EXOC4: variants seen among roughly 807,000 people sequenced by gnomAD.
EXOC4 encodes exocyst complex component 4, also known as SEC8-like 1.
In EXOC4, 71 loss-of-function variants were observed where a neutral mutation model predicts 107.2. The observed-to-expected ratio is 0.66, with a 90% CI of 0.55 to 0.81. The LOEUF is 0.81. EXOC4 is among the 30% of genes least tolerant of loss of function. The pLI, the probability that EXOC4 is intolerant of heterozygous loss-of-function variation, is 0.00. For missense variants in EXOC4, 1,108 were observed against 1,189.6 expected, an observed-to-expected ratio of 0.93 and a Z score of 1.01; for synonymous variants, 456 against 441.2, an observed-to-expected ratio of 1.03 and a Z score of -0.42.
chr7:133,991,204 T>C (rs1332923532), intron 14 of EXOC4, among the ~76,000 whole-genome samples: 1 of 152,126 alleles, frequency 6.6e-6, no homozygotes, highest in Non-Finnish European at 1.5e-5. Context: ...CTGTTGGCCA[T>C]TTGTATGTCT....
chr7:133,849,508 T>A (rs1004589642), intron 11 of EXOC4, among the ~76,000 whole-genome samples: 2 of 152,196 alleles, frequency 1.3e-5, no homozygotes, highest in African/African-American at 2.4e-5. Context: ...ATTACCATTG[T>A]TTTTAATAAA....
At chr7:133,693,868 T>A (rs1199137477) in intron 10 of EXOC4, among the ~76,000 whole-genome samples, 1 of 152,120 alleles carries the variant, frequency 6.6e-6, no homozygotes, top group Non-Finnish European at 1.5e-5. Flanking sequence ...TGACATAAGC[T>A]TCAGTGGGTA....
intron 17 of EXOC4, among the ~76,000 whole-genome samples, chr7:134,063,134 G>C (rs901070432): frequency 2.6e-5 from 4 of 152,152 alleles, no homozygotes; most frequent in African/African-American, 9.7e-5. Context: ...CTACCCTGTG[G>C]CTTCAAATGC....
intron 9 of EXOC4, among the ~76,000 whole-genome samples, chr7:133,481,431 A>G (rs1291149274): frequency 6.6e-6 from 1 of 152,160 alleles, no homozygotes; most frequent in Non-Finnish European, 1.5e-5. Flanking sequence ...TTTTGCAGTG[A>G]CTGGCCTGTG....
At chr7:133,493,888 A>G (rs1371930695) in intron 9 of EXOC4, among the ~76,000 whole-genome samples, 1 of 152,214 alleles carries the variant, frequency 6.6e-6, no homozygotes, top group East Asian at 1.9e-4. Context: ...GCCATGATGA[A>G]CGTGGCCATT....
intron 10 of EXOC4, among the ~76,000 whole-genome samples, chr7:133,802,538 C>G (rs1388082159): frequency 6.6e-6 from 1 of 152,112 alleles, no homozygotes; most frequent in Non-Finnish European, 1.5e-5. Context: ...TTTGTCAAAA[C>G]CAAACAGTGA....
At chr7:133,505,370 T>C (rs2150892186) in intron 9 of EXOC4, among the ~76,000 whole-genome samples, 1 of 152,280 alleles carries the variant, frequency 6.6e-6, no homozygotes, top group African/African-American at 2.4e-5. Context: ...AAAATTATGG[T>C]TTCATTTTAA....
At chr7:133,769,224 A>G (rs1416656257) in intron 10 of EXOC4, among the ~76,000 whole-genome samples, 1 of 152,018 alleles carries the variant, frequency 6.6e-6, no homozygotes, top group African/African-American at 2.4e-5. Context: ...AAACCCACAC[A>G]TTCTGTACTT....
intron 7 of EXOC4, among the ~76,000 whole-genome samples, chr7:133,416,982 C>T (rs1213292956): frequency 6.6e-6 from 1 of 152,064 alleles, no homozygotes; most frequent in Non-Finnish European, 1.5e-5. Flanking sequence ...AGACAGATGT[C>T]TAAATGCATT....
chr7:133,362,003 G>A (rs996813506), intron 6 of EXOC4, among the ~76,000 whole-genome samples: 1 of 152,018 alleles, frequency 6.6e-6, no homozygotes, highest in South Asian at 2.1e-4. Context: ...TCATTGATTT[G>A]TAGGAACTCT....
At chr7:133,745,616 TA>T (rs1187887832) in intron 10 of EXOC4, among the ~76,000 whole-genome samples, 1 of 151,716 alleles carries the variant, frequency 6.6e-6, no homozygotes, top group Non-Finnish European at 1.5e-5. Flanking sequence ...TCACAGCTAT[TA>T]AAACAAGCAT....
chr7:133,460,498 A>G (rs1798565813), intron 7 of EXOC4, among the ~76,000 whole-genome samples: 1 of 152,230 alleles, frequency 6.6e-6, no homozygotes, highest in Non-Finnish European at 1.5e-5. Context: ...CGTAAATAAA[A>G]TAGTTTAATT....
intron 17 of EXOC4, among the ~76,000 whole-genome samples, chr7:134,051,548 T>A (rs2116581661): frequency 6.6e-6 from 1 of 151,994 alleles, no homozygotes; most frequent in African/African-American, 2.4e-5. Flanking sequence ...GGCACATGCC[T>A]GTAATCCCAG....
At chr7:133,812,756 A>G (rs1563008920) in intron 10 of EXOC4, among the ~76,000 whole-genome samples, 1 of 152,190 alleles carries the variant, frequency 6.6e-6, no homozygotes, top group Non-Finnish European at 1.5e-5. Context: ...GAGAACACAT[A>G]AACTCTGCTC....
chr7:134,027,183 G>C (rs1384643138), intron 17 of EXOC4, among the ~76,000 whole-genome samples: 1 of 152,098 alleles, frequency 6.6e-6, no homozygotes, highest in African/African-American at 2.4e-5. Flanking sequence ...AGAAATAACA[G>C]TAATCTGTAT....
At chr7:133,283,649 G>A (rs1267951283) in intron 2 of EXOC4, among the ~76,000 whole-genome samples, 7 of 152,112 alleles carry the variant, frequency 4.6e-5, no homozygotes, top group Non-Finnish European at 1.0e-4. Flanking sequence ...TTTACGTACA[G>A]TAAAATGCCA....
At chr7:133,996,457 TAAAC>T (rs1794395086) in intron 14 of EXOC4, among the ~76,000 whole-genome samples, 1 of 152,202 alleles carries the variant, frequency 6.6e-6, no homozygotes, top group Non-Finnish European at 1.5e-5. Context: ...AGTTTAGAGA[TAAAC>T]AGATGTAGTT....
At chr7:133,357,168 A>G (rs371292747) in intron 6 of EXOC4, among the ~76,000 whole-genome samples, 1 of 152,370 alleles carries the variant, frequency 6.6e-6, no homozygotes, top group Non-Finnish European at 1.5e-5. Context: ...AAATTGAATC[A>G]AATAATGTAG....
intron 7 of EXOC4, among the ~76,000 whole-genome samples, chr7:133,458,682 T>C (rs938446464): frequency 3.9e-5 from 6 of 152,222 alleles, no homozygotes; most frequent in Non-Finnish European, 5.9e-5. Context: ...GACCTGATGG[T>C]GTCTTCTCAG....
Sources: allele counts gnomAD v4.1 joint callset (sites outside exome capture counted in the v4.1 genomes callset), GRCh38; gene constraint gnomAD v4.1.1; transcripts MANE v1.5; gene names NCBI Gene and HGNC (gene_info 2026-07-23, HGNC 2026-07-21).